Variants in SCCPDH observed in about 807,000 individuals in gnomAD.
SCCPDH encodes saccharopine dehydrogenase (putative).
SCCPDH carries 34 observed loss-of-function variants against 51.5 expected under a neutral mutation model. The ratio of observed to expected loss-of-function variants is 0.66; its 90% CI spans 0.50 to 0.88. SCCPDH has a LOEUF of 0.88. SCCPDH is among the 40% of genes least tolerant of loss of function. SCCPDH has a pLI of 0.00. For missense variants in SCCPDH, 464 were observed against 527.1 expected (o/e 0.88, Z 1.17); for synonymous variants, 187 against 191.3 (o/e 0.98, Z 0.19).
At chr1:246,758,620 T>G (rs780936219) in intron 6 of SCCPDH, among the ~76,000 whole-genome samples, 46 of 152,334 alleles carry the variant, frequency 3.0e-4, no homozygotes, top group Middle Eastern at 3.4e-3. Context: ...TCGTGTGTAA[T>G]AAAACATGTG....
chr1:246,755,053 A>G (rs1032375656), intron 5 of SCCPDH, among the ~76,000 whole-genome samples: 1 of 152,244 alleles, frequency 6.6e-6, no homozygotes, highest in African/African-American at 2.4e-5. Context: ...TTATGATAGC[A>G]TTAAATAAAT....
intron 2 of SCCPDH, among the ~76,000 whole-genome samples, chr1:246,728,951 G>A (rs1396480421): frequency 1.3e-5 from 2 of 152,166 alleles, no homozygotes; most frequent in Non-Finnish European, 2.9e-5. Flanking sequence ...GAGAAATAAA[G>A]AGAAAGAGTA....
Position 246,760,065 on chromosome 1 carries a change from C to G in SCCPDH, c.922C>G (p.Leu308Val), listed in dbSNP as rs372585971. Residue 308 changes from leucine to valine, a missense_variant, in exon 8 of 12, where the codon CTT (leucine) becomes GTT (valine). Coordinates refer to ENST00000366510, the MANE Select transcript of SCCPDH (RefSeq NM_016002.3). ...FFVRFGIGRQ[L>V]LIKFPWFFSF... The stretch of plus-strand genomic sequence containing the variant: ...TGTGAGGTTTGGAATTGGAAGGCAA[C>G]TTCTCATAAAAGTAAGTAAGATTTT... 2 of 1,611,648 alleles carry G rather than the reference C, an allele frequency of 1.2e-6. No homozygotes were observed. Among genetic ancestry groups the G allele is most frequent in the Non-Finnish European group, 1.7e-6 (2 of 1,179,048 alleles).
chr1:246,743,938 G>A (rs373603494), intron 4 of SCCPDH, 138 bp from the exon 5 acceptor site: 6 of 554,298 alleles, frequency 1.1e-5, no homozygotes, highest in African/African-American at 7.5e-5. Flanking sequence ...TAAAACTGTT[G>A]TCTGTACAAA....
chr1:246,726,776 C>T (rs1668405908), intron 1 of SCCPDH, 116 bp from the exon 2 acceptor site: 2 of 690,900 alleles, frequency 2.9e-6, no homozygotes, highest in African/African-American at 1.8e-5. Flanking sequence ...GGAGAGCTAG[C>T]TTTCAGCATA....
intron 3 of SCCPDH, among the ~76,000 whole-genome samples, chr1:246,738,491 C>CA (rs1668631589): frequency 6.7e-6 from 1 of 149,338 alleles, no homozygotes; most frequent in South Asian, 2.1e-4. Flanking sequence ...AGCCTGGCGA[C>CA]AGAGTGGGAC....
At chr1:246,756,294 A>T (rs1668931598) in intron 5 of SCCPDH, among the ~76,000 whole-genome samples, 1 of 152,204 alleles carries the variant, frequency 6.6e-6, no homozygotes, top group African/African-American at 2.4e-5. Context: ...TTAGGGATGA[A>T]TTCTTAGGTG....
At chr1:246,760,467 C>T (rs980153704) in intron 9 of SCCPDH, among the ~76,000 whole-genome samples, 1 of 152,172 alleles carries the variant, frequency 6.6e-6, no homozygotes, top group African/African-American at 2.4e-5. Flanking sequence ...CCAGGTAGTA[C>T]ATGGCCCAGC....
chr1:246,726,569 G>A (rs967735056), intron 1 of SCCPDH, among the ~76,000 whole-genome samples: 2 of 152,116 alleles, frequency 1.3e-5, no homozygotes, highest in African/African-American at 4.8e-5. Context: ...GAGGAAGTCT[G>A]GATAGTTATC....
chr1:246,727,615 T>G (rs1430545806), intron 2 of SCCPDH, among the ~76,000 whole-genome samples: 1 of 152,166 alleles, frequency 6.6e-6, no homozygotes, highest in Non-Finnish European at 1.5e-5. Context: ...GGCATATTGG[T>G]GTTTTTAGAT....
chr1:246,727,032 GA>G, intron 2 of SCCPDH, 28 bp downstream of exon 2: 1 of 1,432,916 alleles, frequency 7.0e-7, no homozygotes, highest in Non-Finnish European at 9.8e-7. Flanking sequence ...CTTTGTATCA[GA>G]ACAAACAATC....
intron 11 of SCCPDH, 49 bp from the exon 12 acceptor site, chr1:246,767,146 G>GA (rs1309510141): frequency 7.6e-7 from 1 of 1,314,502 alleles, no homozygotes; most frequent in East Asian, 2.5e-5. Flanking sequence ...TGAAATAGGA[G>GA]ACTGGAGAGG....
intron 9 of SCCPDH, 84 bp downstream of exon 9, chr1:246,760,311 G>A (rs1668993453): frequency 8.8e-7 from 1 of 1,133,828 alleles, no homozygotes; most frequent in Non-Finnish European, 1.3e-6. Context: ...AGGGCACTAT[G>A]TTTCAGATAC....
In SCCPDH at chr1:246,747,371, T is replaced by A. The variant is rs144369306; in HGVS notation, c.564+3246T>A. On this transcript the variant is annotated intron_variant, in intron 5 of 11. Transcript: ENST00000366510. ...GGTAATAGAGTGTGAACCCAGAAAA[T>A]CTGAGACAGGTTTCAGTTAATTAAG... 4.5e-3 allele frequency among the ~76,000 whole-genome samples: 682 copies of A among 152,172 alleles called. 6 individuals are homozygous for A. Among genetic ancestry groups the A allele is most frequent in the African/African-American group, 0.015 (638 of 41,522 alleles).
At chr1:246,734,186 A>G (rs912136115) in intron 2 of SCCPDH, among the ~76,000 whole-genome samples, 1 of 152,152 alleles carries the variant, frequency 6.6e-6, no homozygotes, top group Admixed American at 6.5e-5. Context: ...AACTTGAGAA[A>G]TTTGGGGGTG....
At chr1:246,748,143 G>A (rs563740419) in intron 5 of SCCPDH, among the ~76,000 whole-genome samples, 4 of 152,222 alleles carry the variant, frequency 2.6e-5, no homozygotes, top group African/African-American at 9.6e-5. Flanking sequence ...GATCTGAATA[G>A]GGTGGAGGAG....
Position 246,736,079 on chromosome 1 carries a change from C to T in SCCPDH, c.384+24C>T, listed in dbSNP as rs201203200. 2.1e-5 allele frequency: 31 copies of T among 1,507,224 alleles called. No homozygotes were observed. The African/African-American group carries it at 2.8e-4, about 13-fold the overall frequency. 93.4% of individuals were successfully genotyped at this position (1,507,224 alleles called of 1,614,324 possible). ...AGGTATAAAAAATAAAAAGGAAAAA[C>T]GTAGAATTAACACATAAATTTCGGT... is the stretch of plus-strand genomic sequence containing the variant. On this transcript the variant is annotated intron_variant, in intron 3 of 11. Transcript: ENST00000366510.
At chr1:246,736,543 TACAA>T in intron 3 of SCCPDH, among the ~76,000 whole-genome samples, 1 of 151,824 alleles carries the variant, frequency 6.6e-6, no homozygotes, top group African/African-American at 2.4e-5. Flanking sequence ...CTACTAAAAA[TACAA>T]AAAGTGAGCC....
Position 246,724,628 on chromosome 1 carries a change from G to C in SCCPDH, c.190+16G>C, listed in dbSNP as rs1434293109. On this transcript the variant is annotated intron_variant, in intron 1 of 11. Transcript: ENST00000366510. ...CTGAAGCTGGGTACAGCGGCGGGGC[G>C]GGACGGGGCTGCGCGGGCGGCTGGG... 1 of 1,457,844 alleles carries C rather than the reference G, an allele frequency of 6.9e-7. No homozygotes were observed. Among genetic ancestry groups the C allele is most frequent in the South Asian group, 1.4e-5 (1 of 73,902 alleles). 90.3% of individuals were successfully genotyped at this position (1,457,844 alleles called of 1,614,324 possible).
Sources: gnomAD v4.1 joint callset for allele counts (sites outside exome capture counted in the v4.1 genomes callset) on GRCh38, gnomAD v4.1.1 for gene constraint, MANE v1.5 for transcripts, NCBI Gene and HGNC (gene_info 2026-07-23, HGNC 2026-07-21) for gene names.